Variants in HGSNAT observed in about 807,000 individuals in gnomAD.
HGSNAT encodes the protein heparan-alpha-glucosaminide N-acetyltransferase, also known as transmembrane protein 76.
Under a neutral mutation model 85.2 loss-of-function variants are expected in HGSNAT, and 59 were observed. The ratio of observed to expected loss-of-function variants is 0.69; its 90% CI spans 0.56 to 0.86. The LOEUF (loss-of-function observed/expected upper bound fraction) is 0.86, where lower values mean the gene tolerates loss of function less well. Among genes scored for constraint, HGSNAT ranks in the 40% least tolerant of loss-of-function variants. The pLI is 0.00. For missense variants in HGSNAT, 756 were observed against 777.1 expected (o/e 0.97, Z 0.32); for synonymous variants, 321 against 304.5 (o/e 1.05, Z -0.56).
intron 14 of HGSNAT, chr8:43,196,477 G>T (rs1279256054): frequency 7.8e-7 from 1 of 1,289,592 alleles, no homozygotes; most frequent in Middle Eastern, 2.1e-4. Flanking sequence ...CGGAACCCTT[G>T]TCACCTTTGT....
intron 11 of HGSNAT, among the ~76,000 whole-genome samples, chr8:43,182,859 C>T (rs561278703): frequency 2.6e-5 from 4 of 152,288 alleles, no homozygotes; most frequent in Non-Finnish European, 4.4e-5. Context: ...CTGATTTTCA[C>T]TTTCATTAGT....
At chr8:43,150,976 T>G (rs1802897486) in intron 2 of HGSNAT, among the ~76,000 whole-genome samples, 1 of 152,168 alleles carries the variant, frequency 6.6e-6, no homozygotes, top group Admixed American at 6.5e-5. Context: ...AAACTTGTAC[T>G]TTTTGATGAA....
At position 43,178,231 on chromosome 8, in the gene HGSNAT, C is replaced by T; in HGVS notation, c.1009C>T (p.Pro337Ser). The T allele has an allele frequency of 6.5e-7, 1 of 1,527,122 alleles. No homozygotes were observed. The highest frequency in any genetic ancestry group is 8.8e-7 in the Non-Finnish European group (1 of 1,140,820). The allele number at this position is 1,527,122 out of a possible 1,614,324, so 94.6% of individuals were successfully genotyped here. Residue 337 changes from proline (P) to serine (S), a missense_variant, in exon 10 of 18, where the codon CCA (proline) becomes TCA (serine). Physicochemically the swap from Pro to Ser is moderately conservative, Grantham distance 74 (BLOSUM62 -1). Transcript: ENST00000379644. ...TGTGAATCCCAATTATTGCCTTGGT[C>T]CATGTAAGTACTTTTTCCCTCTGTT... is the stretch of plus-strand genomic sequence containing the variant. ...IIVNPNYCLG[P>S]LSWDKVRIPG...
intron 11 of HGSNAT, among the ~76,000 whole-genome samples, chr8:43,189,166 G>A (rs1217498538): frequency 6.6e-6 from 1 of 152,222 alleles, no homozygotes; most frequent in Non-Finnish European, 1.5e-5. Context: ...AAAGCTGTCA[G>A]ACAGGGACGT....
intron 2 of HGSNAT, among the ~76,000 whole-genome samples, chr8:43,151,675 G>A (rs1006830280): frequency 6.6e-6 from 1 of 151,950 alleles, no homozygotes; most frequent in Non-Finnish European, 1.5e-5. Context: ...ATATAAATAC[G>A]AGCATTTCGT....
At chr8:43,160,834 C>A (rs1803245167) in intron 4 of HGSNAT, among the ~76,000 whole-genome samples, 1 of 152,190 alleles carries the variant, frequency 6.6e-6, no homozygotes. Context: ...TAGGACAGTT[C>A]CTCAGTCTTT....
chr8:43,173,775 C>T (rs187875301), intron 9 of HGSNAT, 32 bp downstream of exon 9: 45 of 1,602,878 alleles, frequency 2.8e-5, no homozygotes, highest in Non-Finnish European at 3.3e-5. Context: ...TTCTCTTCCA[C>T]GGGTTGACTC....
At chr8:43,189,185 G>A (rs1364169703) in intron 11 of HGSNAT, among the ~76,000 whole-genome samples, 1 of 152,194 alleles carries the variant, frequency 6.6e-6, no homozygotes, top group East Asian at 1.9e-4. Flanking sequence ...GTTTAAGTTT[G>A]CAGAAGTTTC....
intron 5 of HGSNAT, among the ~76,000 whole-genome samples, chr8:43,166,787 G>A (rs1273666015): frequency 6.6e-6 from 1 of 152,166 alleles, no homozygotes; most frequent in Non-Finnish European, 1.5e-5. Context: ...AAGCCGTATA[G>A]CTGCCATACA....
chr8:43,171,166 C>T (rs1277999174), intron 7 of HGSNAT, among the ~76,000 whole-genome samples: 1 of 152,152 alleles, frequency 6.6e-6, no homozygotes, highest in Admixed American at 6.5e-5. Flanking sequence ...AGAACAAGGG[C>T]CAGGACTGAA....
At chr8:43,184,779 T>G (rs1428342511) in intron 11 of HGSNAT, among the ~76,000 whole-genome samples, 1 of 152,246 alleles carries the variant, frequency 6.6e-6, no homozygotes, top group Non-Finnish European at 1.5e-5. Context: ...GGTCTAACAT[T>G]TAAGTCTTTA....
chr8:43,182,331 TCTCA>T (rs753993458), intron 11 of HGSNAT, 71 bp downstream of exon 11: 3 of 1,206,336 alleles, frequency 2.5e-6, no homozygotes, highest in Non-Finnish European at 3.7e-6. Context: ...GGTGATACGG[TCTCA>T]CTATGTTGTC....
At chr8:43,189,792 T>G (rs1586748766) in intron 11 of HGSNAT, among the ~76,000 whole-genome samples, 1 of 152,332 alleles carries the variant, frequency 6.6e-6, no homozygotes, top group East Asian at 1.9e-4. Flanking sequence ...GAGATGGAGT[T>G]TCACTGTGTT....
Position 43,199,557 on chromosome 8 carries a change from T to A in HGSNAT, c.1896T>A (p.Phe632Leu). The stretch of plus-strand genomic sequence containing the variant: ...ACATCCTCTATAGAAAGAAGATTTT[T>A]TGGAAAATCTGATGGCTCCCACTGA... ...IAYILYRKKIFWKI is the reference protein window; with the variant it reads ...IAYILYRKKILWKI Residue 632 changes from phenylalanine to leucine, a missense_variant, in exon 18 of 18, where the codon TTT becomes TTA. By Grantham distance (22) the Phe-to-Leu change is conservative. Coordinates refer to ENST00000379644, the MANE Select transcript of HGSNAT (RefSeq NM_152419.3). The A allele has an allele frequency of 1.3e-6, 2 of 1,546,616 alleles. No homozygotes were observed. The highest frequency in any genetic ancestry group is 8.7e-7 in the Non-Finnish European group (1 of 1,145,232).
At chr8:43,158,490 T>C in intron 2 of HGSNAT, 85 bp from the exon 3 acceptor site, 1 of 1,379,270 alleles carries the variant, frequency 7.3e-7, no homozygotes, top group Admixed American at 1.8e-5. Context: ...CATGTCAGGA[T>C]CTCCAGTTGG....
intron 5 of HGSNAT, among the ~76,000 whole-genome samples, chr8:43,166,249 A>T (rs1475493708): frequency 6.6e-6 from 1 of 152,242 alleles, no homozygotes; most frequent in Non-Finnish European, 1.5e-5. Context: ...AGCTAAGATA[A>T]TTGATGAAAG....
chr8:43,172,614 T>G (rs1219399340), intron 8 of HGSNAT, among the ~76,000 whole-genome samples: 1 of 152,200 alleles, frequency 6.6e-6, no homozygotes, highest in African/African-American at 2.4e-5. Context: ...TTCACTGTAA[T>G]AACAGACTCT....
intron 5 of HGSNAT, among the ~76,000 whole-genome samples, chr8:43,164,635 G>T (rs1436650569): frequency 5.3e-5 from 8 of 152,234 alleles, no homozygotes; most frequent in African/African-American, 1.9e-4. Flanking sequence ...AGAAAAATTA[G>T]CTGGGCGTGG....
chr8:43,199,003 G>A (rs1418491101), intron 17 of HGSNAT, among the ~76,000 whole-genome samples: 1 of 152,204 alleles, frequency 6.6e-6, no homozygotes, highest in African/African-American at 2.4e-5. Flanking sequence ...CCAGGTTCAA[G>A]TGATTCTTGT....
Sources: gnomAD v4.1 joint callset for allele counts (sites outside exome capture counted in the v4.1 genomes callset) on GRCh38, gnomAD v4.1.1 for gene constraint, MANE v1.5 for transcripts, NCBI Gene and HGNC (gene_info 2026-07-23, HGNC 2026-07-21) for gene names.